TMEM38B: variants seen among roughly 807,000 people sequenced by gnomAD.
TMEM38B encodes the protein transmembrane protein 38B.
A neutral mutation model predicts 28.7 loss-of-function variants in TMEM38B; 24 were observed. The observed-to-expected ratio is 0.84, with a 90% confidence interval of 0.61 to 1.18. TMEM38B has a LOEUF of 1.18. Among genes scored for constraint, TMEM38B ranks in the 50% most tolerant of loss-of-function variants. TMEM38B has a pLI of 0.00. For missense variants in TMEM38B, 380 were observed against 350.9 expected, an observed-to-expected ratio of 1.08 and a Z score of -0.66; for synonymous variants, 131 against 127.7, an observed-to-expected ratio of 1.03 and a Z score of -0.17.
At chr9:105,747,485 T>A (rs548411828) in intron 4 of TMEM38B, among the ~76,000 whole-genome samples, 1 of 152,262 alleles carries the variant, frequency 6.6e-6, no homozygotes, top group East Asian at 1.9e-4. Flanking sequence ...TTATTAGTCT[T>A]GCTAGCGGTC....
At chr9:105,713,293 C>G (rs1448305579) in intron 2 of TMEM38B, among the ~76,000 whole-genome samples, 1 of 152,196 alleles carries the variant, frequency 6.6e-6, no homozygotes, top group African/African-American at 2.4e-5. Context: ...GCCCCCCAAA[C>G]CGGGGCTGCA....
chr9:105,728,502 G>A (rs1036383723), intron 4 of TMEM38B, among the ~76,000 whole-genome samples: 6 of 152,086 alleles, frequency 3.9e-5, no homozygotes, highest in Non-Finnish European at 5.9e-5. Context: ...TGGACATTTT[G>A]GTTGGTTCCA....
chr9:105,721,817 A>T, intron 3 of TMEM38B, 96 bp downstream of exon 3: 1 of 940,014 alleles, frequency 1.1e-6, no homozygotes, highest in Non-Finnish European at 1.5e-6. Flanking sequence ...TGGATCACAT[A>T]CTTTAATAAC....
chr9:105,776,479 C>T lies in TMEM38B; in HGVS notation c.*2399C>T, dbSNP rs1421130394. 6.6e-6 allele frequency: 1 copy of T among 151,840 alleles called. No individual in the cohort carries two copies. Among genetic ancestry groups the T allele is most frequent in the African/African-American group, 2.4e-5 (1 of 41,328 alleles). The allele number at this position is 151,840 out of a possible 1,614,324, so 9.4% of individuals were successfully genotyped here. The stretch of plus-strand genomic sequence containing the variant: ...TTTTTTTTTTGTCTATTCCTTAAAG[C>T]CCAGACACCTTTCCATTAAAATCTA... On this transcript the variant is annotated 3_prime_UTR_variant, in exon 6 of 6. Coordinates refer to ENST00000374692, the MANE Select transcript of TMEM38B (RefSeq NM_018112.3).
rs143821177 is a variant in TMEM38B at position 105,694,969 on chromosome 9, G to C, written c.112+197G>C. 3.1e-4 allele frequency among the ~76,000 whole-genome samples: 47 copies of C among 152,356 alleles called. No homozygotes were observed. The East Asian group carries it at 8.3e-3, about 27-fold the overall frequency. ...GCAGATGGGGAAACAGCGTGGGGGAGGACGGAGGCTCTAGTACTCCTCAAA... is the reference window on the plus strand; with the variant it reads ...GCAGATGGGGAAACAGCGTGGGGGACGACGGAGGCTCTAGTACTCCTCAAA... On this transcript the variant is annotated intron_variant, in intron 1 of 5. Transcript: ENST00000374692.
intron 5 of TMEM38B, among the ~76,000 whole-genome samples, chr9:105,761,370 A>G (rs1206521635): frequency 2.6e-5 from 4 of 152,022 alleles, no homozygotes; most frequent in Admixed American, 2.6e-4. Context: ...TTTGTTTAAT[A>G]TATATATGTT....
At chr9:105,727,285 C>T (rs1836550895) in intron 4 of TMEM38B, among the ~76,000 whole-genome samples, 1 of 151,978 alleles carries the variant, frequency 6.6e-6, no homozygotes, top group South Asian at 2.1e-4. Context: ...GACTTTTTTT[C>T]CCCGAGATCC....
rs116248154 is a variant in TMEM38B at position 105,713,187 on chromosome 9, C to T, written c.269+7434C>T. Among the ~76,000 whole-genome samples, 1,206 of 152,288 alleles carry T rather than the reference C, an allele frequency of 7.9e-3. 8 individuals are homozygous for T. The highest frequency in any genetic ancestry group is 0.027 in the African/African-American group (1,127 of 41,556). ...GGAGCCAGGAGTAGGCAGTAGAGGG[C>T]AGGGCTGCAGCCTTCAAGTAGTGGC... On this transcript the variant is annotated intron_variant, in intron 2 of 5. Transcript: ENST00000374692.
Position 105,721,650 on chromosome 9 carries a change from G to A in TMEM38B, c.383G>A (p.Gly128Asp). Reference protein sequence around the residue: ...KEVTRTWKIVGGVTHANSYYK... With the variant: ...KEVTRTWKIVDGVTHANSYYK... ...GTGACCAGAACTTGGAAAATAGTAG[G>A]TGGAGTCACACATGCTAATAGCTAT... The change falls in exon 3 of 6, where the codon GGT (glycine) becomes GAT (aspartate). Residue 128 changes from glycine to aspartate, a missense_variant. Coordinates refer to ENST00000374692, the MANE Select transcript of TMEM38B (RefSeq NM_018112.3). 1 of 1,613,652 alleles carries A rather than the reference G, an allele frequency of 6.2e-7. No individual in the cohort carries two copies. The highest frequency in any genetic ancestry group is 8.5e-7 in the Non-Finnish European group (1 of 1,179,690).
At chr9:105,762,088 G>A (rs1838074795) in intron 5 of TMEM38B, among the ~76,000 whole-genome samples, 1 of 151,824 alleles carries the variant, frequency 6.6e-6, no homozygotes, top group Admixed American at 6.6e-5. Flanking sequence ...TGCCTGGGTT[G>A]CAATAAAATC....
chr9:105,759,724 C>A, intron 5 of TMEM38B: 1 of 1,600,982 alleles, frequency 6.2e-7, no homozygotes, highest in Non-Finnish European at 8.5e-7. Context: ...GTTGAATCTT[C>A]ATTCAGAGGA....
At chr9:105,749,435 G>A (rs572316175) in intron 5 of TMEM38B, among the ~76,000 whole-genome samples, 41 of 152,208 alleles carry the variant, frequency 2.7e-4, no homozygotes, top group South Asian at 1.2e-3. Flanking sequence ...ATCAGATTTC[G>A]TGAGACTTAC....
intron 4 of TMEM38B, among the ~76,000 whole-genome samples, chr9:105,730,336 CAT>C (rs775349264): frequency 9.3e-4 from 142 of 152,236 alleles, no homozygotes; most frequent in Non-Finnish European, 1.9e-3. Flanking sequence ...TTGAGATAAT[CAT>C]GTGGTTTTTT....
At chr9:105,698,015 T>C (rs557259352) in intron 1 of TMEM38B, among the ~76,000 whole-genome samples, 1 of 152,300 alleles carries the variant, frequency 6.6e-6, no homozygotes, top group East Asian at 1.9e-4. Flanking sequence ...GTATGCTCTA[T>C]GCTCATTGAA....
Position 105,773,861 on chromosome 9 carries a change from C to T in TMEM38B, c.661-4C>T, listed in dbSNP as rs1032686552. ...AAATTCAAAATTAAACTTTTTTCCC[C>T]CAGATAACCATGATGACTACACAGA... is the stretch of plus-strand genomic sequence containing the variant. On this transcript the variant is annotated splice_polypyrimidine_tract_variant and splice_region_variant and intron_variant, in intron 5 of 5. Transcript: ENST00000374692. 1.3e-6 allele frequency: 2 copies of T among 1,594,008 alleles called. No homozygotes were observed. The highest frequency in any genetic ancestry group is 1.8e-5 in the Admixed American group (1 of 56,986).
intron 5 of TMEM38B, chr9:105,758,561 T>C: frequency 8.3e-7 from 1 of 1,201,624 alleles, no homozygotes; most frequent in Non-Finnish European, 1.2e-6. Context: ...TGAGGAAATT[T>C]CTTAAGAATC....
At chr9:105,710,476 C>G in intron 2 of TMEM38B, 1 of 1,428,816 alleles carries the variant, frequency 7.0e-7, no homozygotes, top group East Asian at 2.3e-5. Flanking sequence ...ACATATTCCT[C>G]CCTTCCTTGG....
At chr9:105,740,768 G>A (rs376191573) in intron 4 of TMEM38B, among the ~76,000 whole-genome samples, 71 of 152,166 alleles carry the variant, frequency 4.7e-4, no homozygotes, top group Non-Finnish European at 8.4e-4. Flanking sequence ...TAAAATATAC[G>A]TATTGTGGAA....
chr9:105,724,124 C>G (rs1836424674), intron 4 of TMEM38B, among the ~76,000 whole-genome samples: 1 of 152,210 alleles, frequency 6.6e-6, no homozygotes, highest in Non-Finnish European at 1.5e-5. Flanking sequence ...GCTTGAGCCA[C>G]TGTGCCTGGC....
Sources: gnomAD v4.1 joint callset for allele counts (sites outside exome capture counted in the v4.1 genomes callset) on GRCh38, gnomAD v4.1.1 for gene constraint, MANE v1.5 for transcripts, NCBI Gene and HGNC (gene_info 2026-07-23, HGNC 2026-07-21) for gene names.